The following BRPF3 variants were observed in gnomAD, a reference collection of about 807,000 sequenced individuals.
BRPF3 encodes the protein bromodomain and PHD finger-containing protein 3.
Under a neutral mutation model 102.0 loss-of-function variants are expected in BRPF3, and 18 were observed. The observed-to-expected ratio is 0.18, with a 90% CI of 0.12 to 0.26. BRPF3 has a LOEUF of 0.26. BRPF3 is among the 10% of genes least tolerant of loss of function. The probability of loss-of-function intolerance (pLI) is 1.00; values close to 1 mark genes in which losing one functional copy is unlikely to be tolerated. For synonymous variants in BRPF3, 570 were observed against 614.2 expected, an observed-to-expected ratio of 0.93 and a Z score of 1.06; for missense variants, 1,147 against 1,567.8, an observed-to-expected ratio of 0.73 and a Z score of 4.53.
rs1561817702 is a variant in BRPF3, at chr6:36,201,350, A to G, written c.1028A>G (p.Asn343Ser). ...GCAGCCATCCAGTGCCATAAGGTGA[A>G]CTGCTACACAGCATTCCATGTGACA... Reference protein sequence around the residue: ...LGAAIQCHKVNCYTAFHVTCA... With the variant: ...LGAAIQCHKVSCYTAFHVTCA... The change falls in exon 2 of 13, where the codon AAC (asparagine) becomes AGC (serine). Residue 343 changes from asparagine to serine, a missense_variant. This residue lies in a region of BRPF3 where 44 missense variants were observed against 101.4 expected (regional missense o/e 0.43). Transcript: ENST00000357641. The surrounding 1 kb of genome is among the most constrained non-coding windows in gnomAD (Gnocchi z 5.1). 6.2e-7 allele frequency: 1 copy of G among 1,614,158 alleles called. No individual in the cohort carries two copies. Among genetic ancestry groups the G allele is most frequent in the South Asian group, 1.1e-5 (1 of 91,070 alleles).
At chr6:36,221,912 C>T (rs573275609) in intron 9 of BRPF3, among the ~76,000 whole-genome samples, 4 of 152,302 alleles carry the variant, frequency 2.6e-5, no homozygotes, top group Admixed American at 6.5e-5. Flanking sequence ...GTCCAAGGTT[C>T]CTGAGCAGGG....
chr6:36,229,585 G>A (rs868227521), intron 12 of BRPF3, among the ~76,000 whole-genome samples: 7 of 152,152 alleles, frequency 4.6e-5, no homozygotes, highest in African/African-American at 9.7e-5. Flanking sequence ...GCATGTTTCC[G>A]TCCTGAGGGG....
At chr6:36,212,441 C>T (rs1258767975) in intron 7 of BRPF3, among the ~76,000 whole-genome samples, 1 of 152,090 alleles carries the variant, frequency 6.6e-6, no homozygotes, top group Non-Finnish European at 1.5e-5. Flanking sequence ...TCACATTTGA[C>T]ATCAGAGGGC....
intron 11 of BRPF3, among the ~76,000 whole-genome samples, chr6:36,226,652 T>G (rs1768750734): frequency 6.6e-6 from 1 of 152,234 alleles, no homozygotes; most frequent in Non-Finnish European, 1.5e-5. Flanking sequence ...CCTTCATATC[T>G]GCAACTTTTA....
In BRPF3 at chr6:36,204,697, A is replaced by G; in HGVS notation, c.1488A>G (p.Lys496=). The G allele has an allele frequency of 1.2e-6, 2 of 1,614,204 alleles. No homozygotes were observed. Among genetic ancestry groups the G allele is most frequent in the Non-Finnish European group, 1.7e-6 (2 of 1,180,020 alleles). ...KICSGLSFQR[K]NQFMQRLHNY... ...GTAGTGGTCTCTCCTTTCAGAGGAA[A>G]AACCAGTTTATGCAGCGGCTTCACA... The change falls in exon 3 of 13, where the codon AAA becomes AAG. Residue 496 remains lysine (K), a synonymous_variant. Transcript: ENST00000357641.
At chr6:36,216,258 C>A (rs1768324483) in intron 8 of BRPF3, among the ~76,000 whole-genome samples, 1 of 152,178 alleles carries the variant, frequency 6.6e-6, no homozygotes, top group South Asian at 2.1e-4. Flanking sequence ...TAGATGGTAG[C>A]AGTTACTGTC....
rs1240839875 is a variant in BRPF3, at chr6:36,222,155, G to T, written c.3084-13G>T. The T allele has an allele frequency of 1.9e-6, 3 of 1,550,016 alleles. No homozygotes were observed. The Admixed American group carries it at 5.9e-5, about 30-fold the overall frequency. ...TTGCTCATTTCACCCCTCTCTCCCTGCTCTGTGTGCAGTGGTCTGACGCCC... is the reference window on the plus strand; with the variant it reads ...TTGCTCATTTCACCCCTCTCTCCCTTCTCTGTGTGCAGTGGTCTGACGCCC... On this transcript the variant is annotated splice_polypyrimidine_tract_variant and intron_variant, in intron 9 of 12. Coordinates refer to ENST00000357641, the MANE Select transcript of BRPF3 (RefSeq NM_015695.3).
At chr6:36,198,346 A>G (rs1767579375) in intron 1 of BRPF3, among the ~76,000 whole-genome samples, 2 of 152,186 alleles carry the variant, frequency 1.3e-5, no homozygotes, top group Non-Finnish European at 2.9e-5. Context: ...TGGAGTATGG[A>G]GGCATAGAGA....
At chr6:36,208,887 A>G (rs893365362) in intron 4 of BRPF3, among the ~76,000 whole-genome samples, 1 of 152,254 alleles carries the variant, frequency 6.6e-6, no homozygotes, top group Non-Finnish European at 1.5e-5. Context: ...CTGTAAGTAT[A>G]TGAAGCTACT....
At chr6:36,202,308 G>T (rs549613541) in intron 2 of BRPF3, among the ~76,000 whole-genome samples, 1 of 152,138 alleles carries the variant, frequency 6.6e-6, no homozygotes, top group Non-Finnish European at 1.5e-5. Flanking sequence ...CTGGGTATGA[G>T]GGGGGTGGTG....
Position 36,201,191 on chromosome 6 carries a change from T to G in BRPF3, c.869T>G (p.Val290Gly), listed in dbSNP as rs1229672959. The change falls in exon 2 of 13, where the codon GTG becomes GGG. Residue 290 changes from valine to glycine, a missense_variant. This residue lies in a region of BRPF3 where 44 missense variants were observed against 101.4 expected (regional missense o/e 0.43). Coordinates refer to ENST00000357641, the MANE Select transcript of BRPF3 (RefSeq NM_015695.3). The surrounding 1 kb of genome is among the most constrained non-coding windows in gnomAD (Gnocchi z 5.1). ...ACCAGTGATGGGCACTGGGCCCATG[T>G]GGTGTGTGCCATCTGGATCCCTGAA... ...KQTSDGHWAH[V>G]VCAIWIPEVC... 1 of 1,614,020 alleles carries G rather than the reference T, an allele frequency of 6.2e-7. No homozygotes were observed. The highest frequency in any genetic ancestry group is 1.3e-5 in the African/African-American group (1 of 74,896).
rs377678526 is a variant in BRPF3 at position 36,225,479 on chromosome 6, G to C, written c.3279+115G>C. 7.4e-4 allele frequency: 703 copies of C among 946,584 alleles called. 6 individuals carry two copies. Among genetic ancestry groups the C allele is most frequent in the Middle Eastern group, 6.0e-3 (27 of 4,534 alleles). The allele number at this position is 946,584 out of a possible 1,614,324, so 58.6% of individuals were successfully genotyped here. A position where few individuals can be genotyped will look rare whatever the true frequency, so the allele number is the denominator to read the frequency against. On this transcript the variant is annotated intron_variant, in intron 11 of 12. Transcript: ENST00000357641. The stretch of plus-strand genomic sequence containing the variant: ...AGTCAGAGTGTCTTTAGCTGTAGAG[G>C]GGAGGGGGGTTTTGCCCCAGCCTGA...
chr6:36,219,260 C>T (rs1413513421), intron 9 of BRPF3, among the ~76,000 whole-genome samples: 1 of 152,098 alleles, frequency 6.6e-6, no homozygotes, highest in African/African-American at 2.4e-5. Flanking sequence ...CCCTACCCCC[C>T]GCCAACCCTC....
intron 10 of BRPF3, among the ~76,000 whole-genome samples, chr6:36,223,030 C>T (rs1468415828): frequency 6.6e-6 from 1 of 152,104 alleles, no homozygotes; most frequent in Non-Finnish European, 1.5e-5. Context: ...GGCCTTGTCT[C>T]CTTGGATAAA....
chr6:36,218,331 C>G (rs1768405942), intron 9 of BRPF3, among the ~76,000 whole-genome samples: 1 of 152,168 alleles, frequency 6.6e-6, no homozygotes, highest in Non-Finnish European at 1.5e-5. Context: ...CCCCTGCTGC[C>G]CCTACACACA....
Position 36,219,311 on chromosome 6 carries a change from G to C in BRPF3, c.3083+1301G>C, listed in dbSNP as rs150352548. On this transcript the variant is annotated intron_variant, in intron 9 of 12. Transcript: ENST00000357641. The stretch of plus-strand genomic sequence containing the variant: ...TCCTATTGCAGCCTCCAGAGATATA[G>C]GGGAAGTAGATGGGAAAAAATTATC... Among the ~76,000 whole-genome samples, 905 of 152,206 alleles carry C rather than the reference G, an allele frequency of 5.9e-3. 6 individuals carry two copies. The highest frequency in any genetic ancestry group is 0.016 in the African/African-American group (683 of 41,512).
chr6:36,214,989 T>TGGGAACATGCCTGCATGTCTG (rs1768275114), intron 8 of BRPF3, among the ~76,000 whole-genome samples: 1 of 147,528 alleles, frequency 6.8e-6, no homozygotes, highest in African/African-American at 2.5e-5. Flanking sequence ...GTCCTGGAGG[T>TGGGAACATGCCTGCATGTCTG]GGGAACATGC....
At position 36,211,295 on chromosome 6, in the gene BRPF3, G is replaced by A; in HGVS notation, c.2217G>A (p.Leu739=). The A allele has an allele frequency of 6.2e-7, 1 of 1,614,180 alleles. No homozygotes were observed. The highest frequency in any genetic ancestry group is 8.5e-7 in the Non-Finnish European group (1 of 1,180,006). The change falls in exon 7 of 13, where the codon TTG becomes TTA. Residue 739 remains leucine (L), a synonymous_variant. Coordinates refer to ENST00000357641, the MANE Select transcript of BRPF3 (RefSeq NM_015695.3). ...TCATCCCAGAGAACCGGGCCCATTT[G>A]TCCCCAGAGGTGCAGCTGAAGGAGC... The part of the protein sequence containing the change: ...NILIPENRAH[L]SPEVQLKELL...
At chr6:36,204,905 G>A in intron 3 of BRPF3, 91 bp downstream of exon 3, 1 of 1,535,966 alleles carries the variant, frequency 6.5e-7, no homozygotes, top group East Asian at 2.3e-5. Flanking sequence ...ACCCCTTCTT[G>A]ATCCCTCCAT....
Sources: gnomAD v4.1 joint callset for allele counts (sites outside exome capture counted in the v4.1 genomes callset) on GRCh38, gnomAD v4.1.1 for gene constraint, gnomAD v4.1.1 regional missense constraint, Gnocchi (gnomAD v3.1) non-coding constraint, MANE v1.5 for transcripts, NCBI Gene and HGNC (gene_info 2026-07-23, HGNC 2026-07-21) for gene names.